Variants in ESR1 observed in about 807,000 individuals in gnomAD.
ESR1 encodes estrogen receptor 1, also known as estrogen receptor.
A neutral mutation model predicts 52.7 loss-of-function variants in ESR1; 12 were observed. The ratio of observed to expected loss-of-function variants is 0.23; its 90% confidence interval spans 0.15 to 0.37. The LOEUF (loss-of-function observed/expected upper bound fraction) is 0.37, where lower values mean the gene tolerates loss of function less well. Among genes scored for constraint, ESR1 ranks in the 10% least tolerant of loss-of-function variants. The probability of loss-of-function intolerance (pLI) is 1.00; values close to 1 mark genes in which losing one functional copy is unlikely to be tolerated. For missense variants in ESR1, 584 were observed against 779.7 expected (o/e 0.75, Z 2.99); for synonymous variants, 305 against 316.8 (o/e 0.96, Z 0.39).
At chr6:151,782,452 G>A (rs1225670105) in intron 2 of ESR1, among the ~76,000 whole-genome samples, 1 of 152,100 alleles carries the variant, frequency 6.6e-6, no homozygotes, top group African/African-American at 2.4e-5. Flanking sequence ...AAGTGTTTGG[G>A]TTTTTTAAGT....
intron 2 of ESR1, among the ~76,000 whole-genome samples, chr6:151,863,478 T>A (rs1485806514): frequency 6.6e-6 from 1 of 152,194 alleles, no homozygotes; most frequent in Non-Finnish European, 1.5e-5. Context: ...GCTTATGATT[T>A]TTGCACATTG....
At chr6:151,836,711 G>A (rs557890779) in intron 1 of ESR1, among the ~76,000 whole-genome samples, 1 of 152,280 alleles carries the variant, frequency 6.6e-6, no homozygotes, top group East Asian at 1.9e-4. Flanking sequence ...TGTGGTAAGT[G>A]CCATGAAAAA....
At chr6:151,786,583 G>A (rs1443233792) in intron 2 of ESR1, among the ~76,000 whole-genome samples, 2 of 151,996 alleles carry the variant, frequency 1.3e-5, no homozygotes, top group African/African-American at 2.4e-5. Context: ...GAGACTTTTG[G>A]CTTTAGACAA....
intron 2 of ESR1, among the ~76,000 whole-genome samples, chr6:151,738,616 TA>T (rs1782849447): frequency 6.6e-6 from 1 of 152,172 alleles, no homozygotes; most frequent in Non-Finnish European, 1.5e-5. Context: ...TCAGGGTTTT[TA>T]AAAAGTTTCC....
intron 2 of ESR1, among the ~76,000 whole-genome samples, chr6:151,855,161 G>T (rs930596851): frequency 6.6e-6 from 1 of 152,192 alleles, no homozygotes; most frequent in Non-Finnish European, 1.5e-5. Flanking sequence ...TGGTCCTCCT[G>T]CCTTGGCCTC....
chr6:151,764,536 T>C (rs559303819), intron 2 of ESR1, among the ~76,000 whole-genome samples: 12 of 152,168 alleles, frequency 7.9e-5, no homozygotes, highest in East Asian at 7.7e-4. Flanking sequence ...AATGAAGATA[T>C]AGTCTCGGGG....
At chr6:151,808,922 C>T (rs540471433) in intron 1 of ESR1, among the ~76,000 whole-genome samples, 1 of 152,196 alleles carries the variant, frequency 6.6e-6, no homozygotes, top group East Asian at 1.9e-4. Context: ...TTCCTGTCAC[C>T]CGCTTTCCCC....
chr6:151,876,974 A>AAC (rs112420604), intron 2 of ESR1, among the ~76,000 whole-genome samples: 99 of 151,728 alleles, frequency 6.5e-4, no homozygotes, highest in African/African-American at 1.9e-3. Context: ...GTTAAAAAAA[A>AAC]ACACACACAC....
chr6:152,069,008 A>G (rs1444864735), intron 6 of ESR1, among the ~76,000 whole-genome samples: 1 of 137,580 alleles, frequency 7.3e-6, no homozygotes, highest in Non-Finnish European at 1.5e-5. Flanking sequence ...AGGAGTCCTT[A>G]GCTGAGAACT....
intron 5 of ESR1, among the ~76,000 whole-genome samples, chr6:152,018,382 A>C (rs1320030144): frequency 6.6e-6 from 1 of 151,958 alleles, no homozygotes; most frequent in African/African-American, 2.4e-5. Context: ...CCCATGTAAA[A>C]CTTCAGGTAA....
intron 3 of ESR1, among the ~76,000 whole-genome samples, chr6:151,894,581 A>G (rs1795183082): frequency 6.6e-6 from 1 of 152,032 alleles, no homozygotes; most frequent in African/African-American, 2.4e-5. Context: ...AGAGATGAAG[A>G]TCCAGTTGCA....
At chr6:152,004,967 G>GT (rs926650553) in intron 4 of ESR1, among the ~76,000 whole-genome samples, 1 of 151,918 alleles carries the variant, frequency 6.6e-6, no homozygotes, top group Non-Finnish European at 1.5e-5. Flanking sequence ...AATGAATTCA[G>GT]TTTTTTGTTT....
rs946284820 is a variant in ESR1, at chr6:151,821,071, A to G, written c.452+12707A>G. Reference sequence around the variant, plus strand: ...CAGGTGAAGAAATCAAAGTCTAGAAAGGTGAAGGAACTTCCCCCAAAGTTT... The same window carrying G: ...CAGGTGAAGAAATCAAAGTCTAGAAGGGTGAAGGAACTTCCCCCAAAGTTT... On this transcript the variant is annotated intron_variant, in intron 1 of 7. Transcript: ENST00000206249. Among the ~76,000 whole-genome samples the G allele has an allele frequency of 8.5e-5, 13 of 152,244 alleles. No individual in the cohort carries two copies. The East Asian group carries it at 2.5e-3, about 29-fold the overall frequency.
intron 1 of ESR1, among the ~76,000 whole-genome samples, chr6:151,840,759 A>G (rs1317067356): frequency 1.3e-5 from 2 of 152,230 alleles, no homozygotes; most frequent in East Asian, 3.9e-4. Context: ...ACTTTAGCTC[A>G]TCTTAGGATT....
At chr6:151,943,081 G>A (rs1322804622) in intron 3 of ESR1, among the ~76,000 whole-genome samples, 2 of 152,066 alleles carry the variant, frequency 1.3e-5, no homozygotes, top group Non-Finnish European at 2.9e-5. Context: ...AACCACAACT[G>A]GCTAAACCTT....
chr6:151,962,152 G>A (rs551259325), intron 4 of ESR1, among the ~76,000 whole-genome samples: 97 of 152,216 alleles, frequency 6.4e-4, no homozygotes, highest in African/African-American at 2.2e-3. Flanking sequence ...CCGTCTTCTA[G>A]GCATTCTGCT....
intron 5 of ESR1, among the ~76,000 whole-genome samples, chr6:152,037,571 GC>G (rs1390801127): frequency 6.6e-6 from 1 of 152,118 alleles, no homozygotes; most frequent in Non-Finnish European, 1.5e-5. Flanking sequence ...TTTTTAAAAA[GC>G]CTTAGAGGCA....
intron 3 of ESR1, among the ~76,000 whole-genome samples, chr6:151,941,722 C>T (rs190330105): frequency 2.6e-5 from 4 of 152,262 alleles, no homozygotes; most frequent in Admixed American, 1.3e-4. Context: ...CTCAGTGATA[C>T]CCCTCATCGT....
intron 6 of ESR1, among the ~76,000 whole-genome samples, chr6:152,092,211 C>A (rs532284236): frequency 6.6e-6 from 1 of 152,358 alleles, no homozygotes; most frequent in South Asian, 2.1e-4. Flanking sequence ...AGTAATTCAG[C>A]AGTTTCCTTC....
Sources: allele counts gnomAD v4.1 joint callset (sites outside exome capture counted in the v4.1 genomes callset), GRCh38; gene constraint gnomAD v4.1.1; transcripts MANE v1.5; gene names NCBI Gene and HGNC (gene_info 2026-07-23, HGNC 2026-07-21).